Variants in DOCK6 observed in about 807,000 individuals in gnomAD.
DOCK6 encodes dedicator of cytokinesis protein 6.
Under a neutral mutation model 230.3 loss-of-function variants are expected in DOCK6, and 167 were observed. That is an observed-to-expected ratio of 0.73 (90% CI 0.64 to 0.82). The LOEUF is 0.82. DOCK6 is among the 40% of genes least tolerant of loss of function. The pLI is 0.00. For synonymous variants in DOCK6, 1,148 were observed against 1,185.0 expected (o/e 0.97, Z 0.64); for missense variants, 2,598 against 2,825.8 (o/e 0.92, Z 1.83).
chr19:11,205,600 C>T (rs1244020658), intron 39 of DOCK6, among the ~76,000 whole-genome samples: 1 of 152,098 alleles, frequency 6.6e-6, no homozygotes, highest in Non-Finnish European at 1.5e-5. Context: ...ACCTCGACCT[C>T]TCAAAGTGCC....
At chr19:11,232,429 T>A in intron 22 of DOCK6, 1 of 557,396 alleles carries the variant, frequency 1.8e-6, no homozygotes, top group Non-Finnish European at 2.8e-6. Flanking sequence ...TGTGCACGTG[T>A]ATATAGGTCC....
At chr19:11,227,499 T>C (rs1034056474) in intron 23 of DOCK6, 22 bp from the exon 24 acceptor site, 5 of 1,545,478 alleles carry the variant, frequency 3.2e-6, no homozygotes, top group Non-Finnish European at 4.4e-6. Context: ...GTGAGAGGGC[T>C]GTGGGTGGGA....
rs749403176 is a variant in DOCK6, at chr19:11,208,982, C to T, written c.4873G>A (p.Ala1625Thr). ...EAAQCMVHAAALVAEYLALLE... is the reference protein window; with the variant it reads ...EAAQCMVHAATLVAEYLALLE... ...AGGGCGAGGTACTCAGCCACGAGGG[C>T]GGCCGCGTGCACCATGCACTGGGCG... The change falls in exon 38 of 48, where the codon GCC becomes ACC. Residue 1625 changes from alanine to threonine, a missense_variant. Physicochemically the swap from Ala to Thr is moderately conservative, Grantham distance 58. Coordinates refer to ENST00000294618, the MANE Select transcript of DOCK6 (RefSeq NM_020812.4). The T allele has an allele frequency of 3.3e-5, 53 of 1,607,096 alleles. No individual in the cohort carries two copies. The highest frequency in any genetic ancestry group is 4.5e-5 in the East Asian group (2 of 44,682).
At chr19:11,256,247 TG>T in intron 1 of DOCK6, among the ~76,000 whole-genome samples, 2 of 152,184 alleles carry the variant, frequency 1.3e-5, no homozygotes, top group South Asian at 4.1e-4. Context: ...ACACAGGGGC[TG>T]GGGGATAATT....
intron 22 of DOCK6, among the ~76,000 whole-genome samples, chr19:11,230,043 CAAAA>C (rs74180012): frequency 4.3e-5 from 2 of 46,444 alleles, no homozygotes; most frequent in African/African-American, 7.1e-5. Context: ...GACTCCATCT[CAAAA>C]AAAAAAAAAA....
At chr19:11,215,316 G>T in intron 32 of DOCK6, 71 bp downstream of exon 32, 1 of 1,408,136 alleles carries the variant, frequency 7.1e-7, no homozygotes. Flanking sequence ...CGAACTCCTG[G>T]ACTCAAGCAA....
rs1288421260 is a variant in DOCK6 at position 11,243,803 on chromosome 19, T to C, written c.1103A>G (p.Lys368Arg). 1.9e-6 allele frequency: 3 copies of C among 1,613,132 alleles called. No individual in the cohort carries two copies. The highest frequency in any genetic ancestry group is 2.2e-5 in the East Asian group (1 of 44,882). The change falls in exon 10 of 48, where the codon AAG (lysine) becomes AGG (arginine). Residue 368 changes from lysine (K) to arginine (R), a missense_variant and splice_region_variant. Coordinates refer to ENST00000294618, the MANE Select transcript of DOCK6 (RefSeq NM_020812.4). The surrounding 1 kb of genome is among the most constrained non-coding windows in gnomAD (Gnocchi z 6.3). ...CTAGTCCAGCCTCCACACGCTTACCTTGGCTGTGTCCACTTCTTTCAACAC... is the reference window on the plus strand; with the variant it reads ...CTAGTCCAGCCTCCACACGCTTACCCTGGCTGTGTCCACTTCTTTCAACAC... ...YMVLKEVDTA[K>R]NKEKLEKLRL...
rs1459960995 is a variant in DOCK6, at chr19:11,202,382, TG to T, written c.5451+11del. On this transcript the variant is annotated intron_variant, in intron 43 of 47. Coordinates refer to ENST00000294618, the MANE Select transcript of DOCK6 (RefSeq NM_020812.4). The surrounding 1 kb of genome is among the most constrained non-coding windows in gnomAD (Gnocchi z 5.3). ...GAATCTAAGATTTTGGGGAAATGGT[TG>T]GGGGACCCACCTTTTGTGAGTCAAG... The T allele has an allele frequency of 6.2e-7, 1 of 1,612,820 alleles. No individual in the cohort carries two copies. Among genetic ancestry groups the T allele is most frequent in the Non-Finnish European group, 8.5e-7 (1 of 1,179,378 alleles).
rs529459880 is a variant in DOCK6 at position 11,213,221 on chromosome 19, G to A, written c.4446C>T (p.Ser1482=). Residue 1482 remains serine, a synonymous_variant, in exon 35 of 48, where the codon AGC becomes AGT. Coordinates refer to ENST00000294618, the MANE Select transcript of DOCK6 (RefSeq NM_020812.4). ...SRISTIRTHA[S]ASLYLLMRQN... ...GTCGCATGAGCAGGTACAGCGAGGC[G>A]CTGGCGTGCGTGCGGATGGTGCTGA... 168 of 1,613,196 alleles carry A rather than the reference G, an allele frequency of 1.0e-4. 1 individual carries two copies. The East Asian group carries it at 2.5e-3, about 24-fold the overall frequency.
At chr19:11,245,304 CCTGT>C (rs2047920964) in intron 9 of DOCK6, among the ~76,000 whole-genome samples, 1 of 152,172 alleles carries the variant, frequency 6.6e-6, no homozygotes, top group African/African-American at 2.4e-5. Context: ...AGGACCCCAG[CCTGT>C]CACATGTGCC....
intron 7 of DOCK6, chr19:11,247,532 G>T: frequency 6.5e-6 from 1 of 153,398 alleles, no homozygotes; most frequent in Non-Finnish European, 1.5e-5. Flanking sequence ...AACTCGGGGT[G>T]GGGAGCGGCA....
rs1385798118 is a variant in DOCK6, at chr19:11,237,525, C to T, written c.2004G>A (p.Arg668=). Residue 668 remains arginine (R), a synonymous_variant, in exon 18 of 48, where the codon AGG becomes AGA. Transcript: ENST00000294618. The part of the protein sequence containing the change: ...WIPLLQHGRL[R]TGPFCLPVSV... Reference sequence around the variant, plus strand: ...ACACTGGGAGACAGAAGGGGCCGGTCCTCAGGCGCCCGTGCTGCAGCAGTG... The same window carrying T: ...ACACTGGGAGACAGAAGGGGCCGGTTCTCAGGCGCCCGTGCTGCAGCAGTG... 1 of 1,613,012 alleles carries T rather than the reference C, an allele frequency of 6.2e-7. No homozygotes were observed. The highest frequency in any genetic ancestry group is 8.5e-7 in the Non-Finnish European group (1 of 1,179,696).
At position 11,200,743 on chromosome 19, in the gene DOCK6, C is replaced by G. The variant is rs761608003; in HGVS notation, c.5912G>C (p.Arg1971Pro). The change falls in exon 46 of 48, where the codon CGG (arginine) becomes CCG (proline). Residue 1971 changes from arginine to proline, a missense_variant. Arg to Pro is a moderately radical substitution (Grantham distance 103). Coordinates refer to ENST00000294618, the MANE Select transcript of DOCK6 (RefSeq NM_020812.4). This position sits in a 1 kb window ranked among gnomAD's most constrained non-coding sequence, Gnocchi z 4.3. ...CTTGCAGAAGTCCTTGAAGCAGAGC[C>G]GCAATTTGTTGTGATGCCGGAAGAG... ...PKLFRHHNKL[R>P]LCFKDFCKKC... 3.1e-6 allele frequency: 5 copies of G among 1,613,596 alleles called. No homozygotes were observed. Among genetic ancestry groups the G allele is most frequent in the South Asian group, 1.1e-5 (1 of 91,030 alleles).
Position 11,242,103 on chromosome 19 carries a change from T to C in DOCK6, c.1585A>G (p.Thr529Ala). 6.6e-7 allele frequency: 1 copy of C among 1,524,708 alleles called. No homozygotes were observed. The highest frequency in any genetic ancestry group is 8.8e-7 in the Non-Finnish European group (1 of 1,139,550). 94.4% of individuals were successfully genotyped at this position (1,524,708 alleles called of 1,614,324 possible). A position where few individuals can be genotyped will look rare whatever the true frequency, so the allele number is the denominator to read the frequency against. ...GCGGGGAACTCCAGAATCTCCTTGG[T>C]GGGCCGGCCCCTGGGGTCCGGGTAG... ...KPYPDPRGRP[T>A]KEILEFPARE... The change falls in exon 14 of 48, where the codon ACC becomes GCC. Residue 529 changes from threonine (T) to alanine (A), a missense_variant. Transcript: ENST00000294618.
At chr19:11,246,962 GCTGTCC>G (rs935842859) in intron 7 of DOCK6, among the ~76,000 whole-genome samples, 7 of 152,190 alleles carry the variant, frequency 4.6e-5, no homozygotes, top group Admixed American at 3.9e-4. Flanking sequence ...TGCAAGGGAA[GCTGTCC>G]CAGATACCCG....
chr19:11,218,874 C>CTTTTTTTT, intron 28 of DOCK6, among the ~76,000 whole-genome samples: 1 of 104,986 alleles, frequency 9.5e-6, no homozygotes, highest in Non-Finnish European at 1.8e-5. Flanking sequence ...AAAAAAATCA[C>CTTTTTTTT]TTTTTTTTTT....
chr19:11,222,976 C>T lies in DOCK6; in HGVS notation c.3069+17G>A. The T allele has an allele frequency of 6.2e-7, 1 of 1,613,724 alleles. No homozygotes were observed. Among genetic ancestry groups the T allele is most frequent in the Non-Finnish European group, 8.5e-7 (1 of 1,179,762 alleles). ...TTCCATCCATGCCATGCCCACCCTG[C>T]CCACGCCCACTCCTACCTGCTTGTA... On this transcript the variant is annotated intron_variant, in intron 25 of 47. Transcript: ENST00000294618. The surrounding 1 kb of genome is among the most constrained non-coding windows in gnomAD (Gnocchi z 4.0).
At position 11,200,709 on chromosome 19, in the gene DOCK6, C is replaced by T. The variant is rs375307066; in HGVS notation, c.5939+7G>A. ...ACGAGACCCCTCCTGGGGGGTTTTGCGCCTACTTCTTGCAGAAGTCCTTGA... is the reference window on the plus strand; with the variant it reads ...ACGAGACCCCTCCTGGGGGGTTTTGTGCCTACTTCTTGCAGAAGTCCTTGA... On this transcript the variant is annotated splice_region_variant and intron_variant, in intron 46 of 47. Coordinates refer to ENST00000294618, the MANE Select transcript of DOCK6 (RefSeq NM_020812.4). This position sits in a 1 kb window ranked among gnomAD's most constrained non-coding sequence, Gnocchi z 4.3. The T allele has an allele frequency of 3.2e-5, 51 of 1,609,080 alleles. No homozygotes were observed. The African/African-American group carries it at 3.2e-4, about 10-fold the overall frequency.
At chr19:11,209,158 C>G (rs2079318973) in intron 37 of DOCK6, 55 bp from the exon 38 acceptor site, 1 of 1,548,084 alleles carries the variant, frequency 6.5e-7, no homozygotes, top group African/African-American at 1.4e-5. Flanking sequence ...TCCTCCCCAC[C>G]TGCCTCCCAC....
Sources: gnomAD v4.1 joint callset for allele counts (sites outside exome capture counted in the v4.1 genomes callset) on GRCh38, gnomAD v4.1.1 for gene constraint, Gnocchi (gnomAD v3.1) non-coding constraint, MANE v1.5 for transcripts, NCBI Gene and HGNC (gene_info 2026-07-23, HGNC 2026-07-21) for gene names.